Variants in USP30 observed in about 807,000 individuals in gnomAD.
USP30 encodes ubiquitin specific peptidase 30.
A neutral mutation model predicts 68.2 loss-of-function variants in USP30; 41 were observed. The observed-to-expected ratio is 0.60, with a 90% confidence interval of 0.47 to 0.78. The LOEUF is 0.78. USP30 is among the 30% of genes least tolerant of loss of function. USP30 has a pLI of 0.00. For missense variants in USP30, 522 were observed against 649.4 expected, an observed-to-expected ratio of 0.80 and a Z score of 2.13; for synonymous variants, 229 against 253.7, an observed-to-expected ratio of 0.90 and a Z score of 0.93.
upstream of USP30, chr12:109,052,436 T>C (rs2040689264): frequency 2.6e-6 from 1 of 388,320 alleles, no homozygotes; most frequent in Non-Finnish European, 4.6e-6. Context: ...GAGCCCAGCG[T>C]AGCAACCGAC....
chr12:109,050,634 C>T (rs926475716), upstream of USP30, among the ~76,000 whole-genome samples: 3 of 152,146 alleles, frequency 2.0e-5, no homozygotes, highest in African/African-American at 4.8e-5. Context: ...CTGTCCAATA[C>T]GGTAGCTGCT....
chr12:109,055,369 C>CATATATATACATATATATATATATACAT (rs1555257176), intron 1 of USP30, among the ~76,000 whole-genome samples: 6 of 68,794 alleles, frequency 8.7e-5, no homozygotes, highest in Admixed American at 4.7e-4. Context: ...TACACACACA[C>CATATATATACATATATATATATATACAT]ATATATATAC....
At chr12:109,041,698 T>C (rs1213922352) in intron 3 of USP30, among the ~76,000 whole-genome samples, 2 of 152,060 alleles carry the variant, frequency 1.3e-5, no homozygotes, top group Non-Finnish European at 2.9e-5. Context: ...ATCAATCATA[T>C]AAATTAGATG....
intron 3 of USP30, among the ~76,000 whole-genome samples, chr12:109,036,738 T>C (rs2040523964): frequency 6.6e-6 from 1 of 152,206 alleles, no homozygotes; most frequent in Admixed American, 6.5e-5. Context: ...TTTTAATACT[T>C]TGAATATGTC....
At chr12:109,046,092 CTTTTTT>C (rs34629352) in intron 3 of USP30, among the ~76,000 whole-genome samples, 1 of 46,772 alleles carries the variant, frequency 2.1e-5, no homozygotes, top group African/African-American at 6.1e-5. Context: ...GGAAGTCAGT[CTTTTTT>C]TTTTTTTTTT....
At chr12:109,082,433 C>T (rs188180986) in intron 9 of USP30, 5 of 569,012 alleles carry the variant, frequency 8.8e-6, no homozygotes, top group Admixed American at 3.1e-5. Context: ...ATGCCAGTGT[C>T]AGAGCATCAG....
intron 3 of USP30, among the ~76,000 whole-genome samples, chr12:109,032,075 C>T (rs2040486209): frequency 6.8e-6 from 1 of 146,598 alleles, no homozygotes. Context: ...GCCCTCCAAA[C>T]TGTGTGGCAG....
chr12:109,052,796 C>T (rs2304267), intron 1 of USP30, 35 bp downstream of exon 1: 238,034 of 1,426,384 alleles, frequency 0.17, 20,271 homozygotes, highest in African/African-American at 0.21. Context: ...CCGAAGAGGC[C>T]GGGACCAGGG....
chr12:109,055,400 A>ATATATATTTTT (rs1298811530), intron 1 of USP30, among the ~76,000 whole-genome samples: 15 of 24,472 alleles, frequency 6.1e-4, no homozygotes, highest in African/African-American at 1.7e-3. Flanking sequence ...ATATATATAT[A>ATATATATTTTT]TTTTTTTTTT....
At position 109,072,387 on chromosome 12, in the gene USP30, T is replaced by C. The variant is rs759007631; in HGVS notation, c.625+37T>C. 2.5e-6 allele frequency: 4 copies of C among 1,591,650 alleles called. No homozygotes were observed. In the Admixed American group the frequency reaches 5.1e-5, roughly 20 times the overall value. ...CCATTGAAATATAACACATAAGATGTGGACTTTTAAGATATGATAATAATT... is the reference window on the plus strand; with the variant it reads ...CCATTGAAATATAACACATAAGATGCGGACTTTTAAGATATGATAATAATT... On this transcript the variant is annotated intron_variant, in intron 6 of 12. Coordinates refer to ENST00000257548, the MANE Select transcript of USP30 (RefSeq NM_032663.5).
intron 1 of USP30, among the ~76,000 whole-genome samples, chr12:109,023,628 CT>C (rs1179349331): frequency 0.039 from 2,836 of 72,470 alleles, 21 homozygotes; most frequent in Admixed American, 0.14. Context: ...TTAATCAGGA[CT>C]TTTTTTTTTT....
chr12:109,056,181 G>A (rs766421493), intron 1 of USP30, among the ~76,000 whole-genome samples: 1 of 110,940 alleles, frequency 9.0e-6, no homozygotes, highest in East Asian at 2.7e-4. Context: ...AGTTTTTGTT[G>A]TTGTTGTTGT....
intron 1 of USP30, among the ~76,000 whole-genome samples, chr12:109,055,995 G>A (rs575057952): frequency 1.3e-5 from 2 of 152,278 alleles, no homozygotes; most frequent in South Asian, 2.1e-4. Flanking sequence ...AGTGAGCCAA[G>A]CAGTGATCTG....
At chr12:109,082,106 G>T in intron 9 of USP30, 87 bp downstream of exon 9, 2 of 1,416,274 alleles carry the variant, frequency 1.4e-6, no homozygotes, top group South Asian at 2.3e-5. Flanking sequence ...GAGCTCTTCT[G>T]ACTGTATCCA....
intron 7 of USP30, among the ~76,000 whole-genome samples, chr12:109,074,070 CCT>C (rs1312737613): frequency 6.6e-6 from 1 of 152,182 alleles, no homozygotes; most frequent in East Asian, 1.9e-4. Flanking sequence ...CATGAATCTA[CCT>C]CTGTCTCTAT....
intron 9 of USP30, 33 bp downstream of exon 9, chr12:109,082,052 T>C: frequency 6.2e-7 from 1 of 1,609,638 alleles, no homozygotes; most frequent in African/African-American, 1.3e-5. Flanking sequence ...CATCGCCAGC[T>C]GGCCTGTGTG....
At chr12:109,062,374 G>A (rs1278542633) in intron 3 of USP30, among the ~76,000 whole-genome samples, 9 of 126,778 alleles carry the variant, frequency 7.1e-5, no homozygotes, top group African/African-American at 2.2e-4. Context: ...TCGCTCTGTC[G>A]CCCAGGCTGG....
Position 109,087,156 on chromosome 12 carries a change from G to T in USP30, c.*1225G>T, listed in dbSNP as rs2041965263. On this transcript the variant is annotated 3_prime_UTR_variant, in exon 13 of 13. Coordinates refer to ENST00000257548, the MANE Select transcript of USP30 (RefSeq NM_032663.5). ...AGGTAAGTCTCTGAATGCAGCCCAGGGCCAAAGGAATTTTGATGACACAGT... is the reference window on the plus strand; with the variant it reads ...AGGTAAGTCTCTGAATGCAGCCCAGTGCCAAAGGAATTTTGATGACACAGT... The T allele has an allele frequency of 6.6e-6, 1 of 152,002 alleles. No homozygotes were observed. The highest frequency in any genetic ancestry group is 2.1e-4 in the South Asian group (1 of 4,820). 9.4% of individuals were successfully genotyped at this position (152,002 alleles called of 1,614,324 possible). A position where few individuals can be genotyped will look rare whatever the true frequency, so the allele number is the denominator to read the frequency against.
chr12:109,035,742 C>A (rs1454273892), intron 3 of USP30, among the ~76,000 whole-genome samples: 1 of 152,208 alleles, frequency 6.6e-6, no homozygotes, highest in African/African-American at 2.4e-5. Flanking sequence ...CCATATGTAT[C>A]TCACTTCCCC....
Sources: gnomAD v4.1 joint callset for allele counts (sites outside exome capture counted in the v4.1 genomes callset) on GRCh38, gnomAD v4.1.1 for gene constraint, MANE v1.5 for transcripts, NCBI Gene and HGNC (gene_info 2026-07-23, HGNC 2026-07-21) for gene names.